The following ABAT variants were observed in gnomAD, a reference collection of about 807,000 sequenced individuals.
The protein encoded by ABAT is 4-aminobutyrate aminotransferase.
ABAT carries 45 observed loss-of-function variants against 64.6 expected under a neutral mutation model. That is an observed-to-expected ratio of 0.70 (90% CI 0.55 to 0.89). The LOEUF (loss-of-function observed/expected upper bound fraction) is 0.89. Ranked by LOEUF, ABAT falls within the 40% of genes least tolerant of loss-of-function variation. The pLI is 0.00. For synonymous variants in ABAT, 297 were observed against 250.5 expected, an observed-to-expected ratio of 1.19 and a Z score of -1.75; for missense variants, 633 against 658.4, an observed-to-expected ratio of 0.96 and a Z score of 0.42.
At chr16:8,729,127 G>C (rs3095514) in intron 1 of ABAT, among the ~76,000 whole-genome samples, 98,116 of 150,260 alleles carry the variant, frequency 0.65, 32,433 homozygotes, top group Admixed American at 0.72. Flanking sequence ...CACAACGTGA[G>C]AAAAACCTGG....
At chr16:8,680,609 G>C (rs949966523) in intron 1 of ABAT, among the ~76,000 whole-genome samples, 1 of 152,114 alleles carries the variant, frequency 6.6e-6, no homozygotes, top group Non-Finnish European at 1.5e-5. Context: ...TGTATTTTTA[G>C]TAGAGACGGG....
intron 6 of ABAT, among the ~76,000 whole-genome samples, chr16:8,761,094 A>T (rs1402906736): frequency 6.6e-6 from 1 of 151,068 alleles, no homozygotes; most frequent in Admixed American, 6.6e-5. Flanking sequence ...AACAAAACAA[A>T]ACAAAAACAT....
chr16:8,779,222 G>T (rs1025659381), intron 14 of ABAT, among the ~76,000 whole-genome samples: 3 of 152,216 alleles, frequency 2.0e-5, no homozygotes, highest in Non-Finnish European at 4.4e-5. Context: ...TACAGTGAGA[G>T]GGACAGAGCT....
At chr16:8,731,758 A>G (rs1165897809) in intron 1 of ABAT, among the ~76,000 whole-genome samples, 1 of 152,052 alleles carries the variant, frequency 6.6e-6, no homozygotes, top group Non-Finnish European at 1.5e-5. Context: ...CTCCAGAACT[A>G]CTTCATCCTG....
chr16:8,728,326 A>G (rs1181344978), intron 1 of ABAT, among the ~76,000 whole-genome samples: 1 of 152,356 alleles, frequency 6.6e-6, no homozygotes, highest in Non-Finnish European at 1.5e-5. Flanking sequence ...ACATTTTGTA[A>G]TTGAAAACGT....
chr16:8,708,404 A>G (rs929404926), intron 1 of ABAT, among the ~76,000 whole-genome samples: 8 of 151,876 alleles, frequency 5.3e-5, no homozygotes, highest in Admixed American at 3.3e-4. Flanking sequence ...ACACCACCAC[A>G]CCTAGCTAAT....
intron 1 of ABAT, among the ~76,000 whole-genome samples, chr16:8,694,178 C>CAACACTTTGGGAG (rs1567272877): frequency 6.7e-6 from 1 of 148,706 alleles, no homozygotes; most frequent in Non-Finnish European, 1.5e-5. Flanking sequence ...TACAGGCGCC[C>CAACACTTTGGGAG]GCCACAATGC....
At position 8,764,605 on chromosome 16, in the gene ABAT, C is replaced by T. The variant is rs554833854; in HGVS notation, c.448-133C>T. 129 of 885,878 alleles carry T rather than the reference C, an allele frequency of 1.5e-4. No homozygotes were observed. Among genetic ancestry groups the T allele is most frequent in the Admixed American group, 3.8e-4 (20 of 53,060 alleles). The allele number at this position is 885,878 out of a possible 1,614,324, so 54.9% of individuals were successfully genotyped here. ...AAAGCCTGAGCCCACCCTCCCAGTC[C>T]GACACCTTCCAGGACAGCCCTGGTT... is the stretch of plus-strand genomic sequence containing the variant. On this transcript the variant is annotated intron_variant, in intron 7 of 15. Transcript: ENST00000268251. The surrounding 1 kb of genome is among the most constrained non-coding windows in gnomAD (Gnocchi z 4.2).
At chr16:8,766,402 C>T in intron 9 of ABAT, 132 bp downstream of exon 9, 1 of 848,054 alleles carries the variant, frequency 1.2e-6, no homozygotes, top group South Asian at 1.4e-5. Context: ...TGCCTGTAAT[C>T]CCAGCACTTT....
chr16:8,781,273 A>G lies in ABAT; in HGVS notation c.1382-36A>G, dbSNP rs1254001912. 1.9e-6 allele frequency: 3 copies of G among 1,613,522 alleles called. No homozygotes were observed. The highest frequency in any genetic ancestry group is 1.1e-5 in the South Asian group (1 of 91,050). On this transcript the variant is annotated intron_variant, in intron 15 of 15. Coordinates refer to ENST00000268251, the MANE Select transcript of ABAT (RefSeq NM_020686.6). The surrounding 1 kb of genome is among the most constrained non-coding windows in gnomAD (Gnocchi z 4.5). The stretch of plus-strand genomic sequence containing the variant: ...AGCTCTCCCAGCATGTGACTTTGAG[A>G]AACCACGCTCCTCACCTACCTCCTG...
intron 1 of ABAT, among the ~76,000 whole-genome samples, chr16:8,733,716 C>T (rs2058827981): frequency 6.6e-6 from 1 of 151,812 alleles, no homozygotes; most frequent in African/African-American, 2.4e-5. Context: ...AGGCACTCGG[C>T]AGGCTGAGGC....
At chr16:8,690,144 A>ATT (rs2057546836) in intron 1 of ABAT, among the ~76,000 whole-genome samples, 1 of 152,182 alleles carries the variant, frequency 6.6e-6, no homozygotes, top group Non-Finnish European at 1.5e-5. Flanking sequence ...TTTTGCTAGC[A>ATT]GTGGAAGCAA....
intron 1 of ABAT, chr16:8,731,621 G>A (rs917460421): frequency 2.6e-5 from 4 of 151,266 alleles, no homozygotes; most frequent in Non-Finnish European, 5.9e-5. Flanking sequence ...TGTCTTTCCT[G>A]GATCACTTTT....
At chr16:8,724,920 CTT>C (rs562546446) in intron 1 of ABAT, among the ~76,000 whole-genome samples, 1 of 46,252 alleles carries the variant, frequency 2.2e-5, no homozygotes, top group East Asian at 6.2e-4. Flanking sequence ...TCTCTTTTTT[CTT>C]TTTTTTTTTT....
At chr16:8,761,303 A>C (rs1596462508) in intron 6 of ABAT, among the ~76,000 whole-genome samples, 4 of 145,002 alleles carry the variant, frequency 2.8e-5, no homozygotes, top group African/African-American at 5.1e-5. Flanking sequence ...GATCCCTCCC[A>C]CCTCCCTTCT....
chr16:8,707,378 AC>A (rs2057972182), intron 1 of ABAT, among the ~76,000 whole-genome samples: 1 of 86,850 alleles, frequency 1.2e-5, no homozygotes, highest in South Asian at 3.7e-4. Context: ...TTTAGCGGAG[AC>A]AGGGTTTCAC....
intron 1 of ABAT, among the ~76,000 whole-genome samples, chr16:8,710,717 A>G (rs1881828): frequency 0.36 from 20,435 of 56,082 alleles, 1,989 homozygotes; most frequent in Middle Eastern, 0.54. Flanking sequence ...AGAGAGAGAG[A>G]GAGAGAGAGA....
intron 1 of ABAT, among the ~76,000 whole-genome samples, chr16:8,730,686 G>C (rs4984998): frequency 0.38 from 57,086 of 151,856 alleles, 12,920 homozygotes; most frequent in Admixed American, 0.5. Context: ...TGTGGGGCTG[G>C]GTAGAGTTAG....
At chr16:8,779,770 C>G (rs1480853967) in intron 15 of ABAT, among the ~76,000 whole-genome samples, 180 bp downstream of exon 15, 2 of 152,130 alleles carry the variant, frequency 1.3e-5, no homozygotes, top group Non-Finnish European at 2.9e-5. Flanking sequence ...ATTTCTTTAT[C>G]CATTTATTTA....
Sources: gnomAD v4.1 joint callset for allele counts (sites outside exome capture counted in the v4.1 genomes callset) on GRCh38, gnomAD v4.1.1 for gene constraint, Gnocchi (gnomAD v3.1) non-coding constraint, MANE v1.5 for transcripts, NCBI Gene and HGNC (gene_info 2026-07-23, HGNC 2026-07-21) for gene names.